GDPD3: variants seen among roughly 807,000 people sequenced by gnomAD.
GDPD3 encodes lysophospholipase D GDPD3.
GDPD3 carries 40 observed loss-of-function variants against 43.7 expected under a neutral mutation model. The observed-to-expected ratio is 0.91, with a 90% CI of 0.71 to 1.19. The LOEUF (loss-of-function observed/expected upper bound fraction) is 1.19. Ranked by LOEUF, GDPD3 falls within the 50% of genes most tolerant of loss-of-function variation. The pLI, the probability that GDPD3 is intolerant of heterozygous loss-of-function variation, is 0.00. For synonymous variants in GDPD3, 145 were observed against 162.9 expected (o/e 0.89, Z 0.84); for missense variants, 363 against 415.8 (o/e 0.87, Z 1.11).
Position 30,113,220 on chromosome 16 carries a change from C to A in GDPD3, c.139+120G>T. The A allele has an allele frequency of 7.0e-7, 1 of 1,420,510 alleles. No homozygotes were observed. Among genetic ancestry groups the A allele is most frequent in the South Asian group, 1.3e-5 (1 of 74,792 alleles). The allele number at this position is 1,420,510 out of a possible 1,614,324, so 88.0% of individuals were successfully genotyped here. A position where few individuals can be genotyped will look rare whatever the true frequency, so the allele number is the denominator to read the frequency against. ...CAGCATCTTCTTCCTCGTCCACACCCTGCCCTGCCACTTCGCTCTCCTTCT... is the reference window on the plus strand; with the variant it reads ...CAGCATCTTCTTCCTCGTCCACACCATGCCCTGCCACTTCGCTCTCCTTCT... On this transcript the variant is annotated intron_variant, in intron 1 of 9. Coordinates refer to ENST00000406256, the MANE Select transcript of GDPD3 (RefSeq NM_024307.3). This position sits in a 1 kb window ranked among gnomAD's most constrained non-coding sequence, Gnocchi z 5.9.
chr16:30,105,793 G>A (rs1462640972), intron 9 of GDPD3, among the ~76,000 whole-genome samples: 6 of 145,674 alleles, frequency 4.1e-5, no homozygotes, highest in African/African-American at 9.9e-5. Flanking sequence ...GTGAGCCACC[G>A]CGCCCGGCCC....
chr16:30,109,696 T>C (rs2072886308), intron 7 of GDPD3, among the ~76,000 whole-genome samples: 1 of 151,878 alleles, frequency 6.6e-6, no homozygotes, highest in African/African-American at 2.4e-5. Flanking sequence ...TGCCAGCTAC[T>C]TGGGAGGCTG....
chr16:30,111,127 A>G, intron 7 of GDPD3: 1 of 386,684 alleles, frequency 2.6e-6, no homozygotes, highest in Non-Finnish European at 4.7e-6. Context: ...CACCTGGGAC[A>G]GAGTAGACAT....
chr16:30,110,435 A>G (rs2072890755), intron 7 of GDPD3: 1 of 152,142 alleles, frequency 6.6e-6, no homozygotes, highest in Non-Finnish European at 1.5e-5. Context: ...CTCAAAAAAC[A>G]CAAAAAAAAT....
Position 30,108,253 on chromosome 16 carries a change from C to T in GDPD3, c.779G>A (p.Arg260Lys), listed in dbSNP as rs1192409686. Residue 260 changes from arginine to lysine, a missense_variant, in exon 9 of 10, where the codon AGG becomes AAG. Transcript: ENST00000406256. ...LAVVSKWLIM[R>K]KSLIRHLEER... The stretch of plus-strand genomic sequence containing the variant: ...CTCCAAGTGTCGGATCAGACTCTTC[C>T]TCATGATCAGCCTGGGGGTGGGGTG... 2 of 1,611,312 alleles carry T rather than the reference C, an allele frequency of 1.2e-6. No homozygotes were observed. The highest frequency in any genetic ancestry group is 1.1e-5 in the South Asian group (1 of 90,720).
rs766435548 is a variant in GDPD3, at chr16:30,112,377, G to A, written c.412C>T (p.Leu138=). The A allele has an allele frequency of 6.2e-7, 1 of 1,614,218 alleles. No individual in the cohort carries two copies. The highest frequency in any genetic ancestry group is 8.5e-7 in the Non-Finnish European group (1 of 1,180,030). The change falls in exon 5 of 10, where the codon CTG becomes TTG. Residue 138 remains leucine, a synonymous_variant. Transcript: ENST00000406256. The surrounding 1 kb of genome is among the most constrained non-coding windows in gnomAD (Gnocchi z 5.4). The stretch of plus-strand genomic sequence containing the variant: ...GGTGTCCTTGGAAACCTCTGGAACA[G>A]GTCCTCCAGACGAACCATGCGCCGG... ...SDRRMVRLED[L]FQRFPRTPMS...
intron 9 of GDPD3, among the ~76,000 whole-genome samples, chr16:30,106,699 T>C (rs970986452): frequency 6.6e-6 from 1 of 152,038 alleles, no homozygotes; most frequent in Non-Finnish European, 1.5e-5. Flanking sequence ...GCCCAGTTAA[T>C]ATTTTATTTA....
At chr16:30,107,660 G>C (rs1210755487) in intron 9 of GDPD3, 1 of 152,636 alleles carries the variant, frequency 6.6e-6, no homozygotes, top group Non-Finnish European at 1.5e-5. Context: ...ATAAGTACTA[G>C]TTACATATCC....
At chr16:30,108,098 C>T (rs573806866) in intron 9 of GDPD3, 115 bp downstream of exon 9, 120 of 782,998 alleles carry the variant, frequency 1.5e-4, no homozygotes, top group African/African-American at 1.3e-3. Context: ...ATTTTAGGGA[C>T]GAAGAAACTG....
At chr16:30,109,052 G>C (rs371524199) in intron 7 of GDPD3, among the ~76,000 whole-genome samples, 31 of 152,038 alleles carry the variant, frequency 2.0e-4, no homozygotes, top group Middle Eastern at 3.4e-3. Context: ...GGATGGTCTC[G>C]ATCTCCTGAC....
intron 7 of GDPD3, among the ~76,000 whole-genome samples, chr16:30,109,005 T>G (rs1596870690): frequency 6.6e-6 from 1 of 151,830 alleles, no homozygotes; most frequent in Admixed American, 6.6e-5. Context: ...TAATTTTTTG[T>G]ATTTTTAGTA....
At position 30,112,634 on chromosome 16, in the gene GDPD3, T is replaced by A; in HGVS notation, c.318+24A>T. The A allele has an allele frequency of 6.2e-7, 1 of 1,612,714 alleles. No individual in the cohort carries two copies. The highest frequency in any genetic ancestry group is 8.5e-7 in the Non-Finnish European group (1 of 1,179,550). ...GGCATGGTGACTCTCAGGGTGGGGG[T>A]TGGGGTGTCAGGGCAGGGCCCACCT... On this transcript the variant is annotated intron_variant, in intron 3 of 9. Transcript: ENST00000406256. This position sits in a 1 kb window ranked among gnomAD's most constrained non-coding sequence, Gnocchi z 5.4.
At chr16:30,105,489 T>A (rs903526412) in intron 9 of GDPD3, among the ~76,000 whole-genome samples, 11 of 150,894 alleles carry the variant, frequency 7.3e-5, no homozygotes, top group African/African-American at 2.4e-4. Context: ...ATACTGACAA[T>A]TAAATTATTT....
intron 7 of GDPD3, 124 bp from the exon 8 acceptor site, chr16:30,108,556 A>G: frequency 3.6e-6 from 3 of 844,908 alleles, no homozygotes; most frequent in Non-Finnish European, 4.0e-6. Context: ...ATCCCCCAGA[A>G]TAACCTTTGT....
intron 9 of GDPD3, among the ~76,000 whole-genome samples, chr16:30,106,761 C>CA (rs980375967): frequency 1.1e-4 from 17 of 151,784 alleles, no homozygotes; most frequent in Non-Finnish European, 2.1e-4. Flanking sequence ...GGCTGGAGTG[C>CA]AGTGGCGTGA....
chr16:30,105,356 C>G (rs1387120107), intron 9 of GDPD3, among the ~76,000 whole-genome samples: 2 of 151,390 alleles, frequency 1.3e-5, no homozygotes, highest in Non-Finnish European at 2.9e-5. Flanking sequence ...ACTTGGAAGA[C>G]TGAGGTGAAA....
chr16:30,113,416 G>T lies in GDPD3; in HGVS notation c.63C>A (p.Phe21Leu). ...ALGSYAMLSI[F>L]FLRRPHLLHT... ...GCAGCAGATGAGGCCGGCGCAGGAA[G>T]AAGATGGAGAGCATGGCATAGCTGC... The change falls in exon 1 of 10, where the codon TTC (phenylalanine) becomes TTA (leucine). Residue 21 changes from phenylalanine (F) to leucine (L), a missense_variant. Transcript: ENST00000406256. This position sits in a 1 kb window ranked among gnomAD's most constrained non-coding sequence, Gnocchi z 5.9. The T allele has an allele frequency of 6.2e-7, 1 of 1,612,398 alleles. No homozygotes were observed. The highest frequency in any genetic ancestry group is 8.5e-7 in the Non-Finnish European group (1 of 1,178,960).
Position 30,108,210 on chromosome 16 carries a change from C to T in GDPD3, c.819+3G>A, listed in dbSNP as rs762273933. On this transcript the variant is annotated splice_donor_region_variant and intron_variant, in intron 9 of 9. Transcript: ENST00000406256. ...GCGGTGGAAGTGGTGGTCACGGCCTCACCTGCACCCCTCGCTCCTCCAAGT... is the reference window on the plus strand; with the variant it reads ...GCGGTGGAAGTGGTGGTCACGGCCTTACCTGCACCCCTCGCTCCTCCAAGT... 3.1e-6 allele frequency: 5 copies of T among 1,594,956 alleles called. No homozygotes were observed. In the South Asian group the frequency reaches 5.7e-5, roughly 18 times the overall value.
intron 9 of GDPD3, among the ~76,000 whole-genome samples, chr16:30,106,506 C>A (rs2072861955): frequency 1.3e-5 from 2 of 152,096 alleles, no homozygotes; most frequent in Non-Finnish European, 2.9e-5. Context: ...TGAGTGGGCA[C>A]TGAGGTAGGC....
Sources: allele counts gnomAD v4.1 joint callset (sites outside exome capture counted in the v4.1 genomes callset), GRCh38; gene constraint gnomAD v4.1.1; non-coding constraint Gnocchi (gnomAD v3.1); transcripts MANE v1.5; gene names NCBI Gene and HGNC (gene_info 2026-07-23, HGNC 2026-07-21).